The following PPP2R2C variants were observed in gnomAD, a reference collection of about 807,000 sequenced individuals.
The protein encoded by PPP2R2C is protein phosphatase 2 regulatory subunit Bgamma, also known as protein phosphatase 2, regulatory subunit B, gamma.
A neutral mutation model predicts 45.3 loss-of-function variants in PPP2R2C; 10 were observed. That is an observed-to-expected ratio of 0.22 (90% confidence interval 0.14 to 0.37). The LOEUF (loss-of-function observed/expected upper bound fraction) is 0.37. Ranked by LOEUF, PPP2R2C falls within the 10% of genes least tolerant of loss-of-function variation. PPP2R2C has a pLI of 1.00. For missense variants in PPP2R2C, 308 were observed against 619.7 expected (o/e 0.50, Z 5.34); for synonymous variants, 257 against 245.4 (o/e 1.05, Z -0.44).
rs1732235487 is a variant in PPP2R2C, at chr4:6,329,543, C to A, written c.961-190G>T. ...AGCCCTGCTCATCTCATCGGGAGGC[C>A]CATGACCAGGCACACGGCTGACCCC... On this transcript the variant is annotated intron_variant, in intron 7 of 8. Transcript: ENST00000382599. This position sits in a 1 kb window ranked among gnomAD's most constrained non-coding sequence, Gnocchi z 5.8. Among the ~76,000 whole-genome samples, 1 of 152,078 alleles carries A rather than the reference C, an allele frequency of 6.6e-6. No individual in the cohort carries two copies. The highest frequency in any genetic ancestry group is 1.5e-5 in the Non-Finnish European group (1 of 68,030).
rs144713938 is a variant in PPP2R2C, at chr4:6,350,295, C to T, written c.626-2285G>A. 21 of 985,472 alleles carry T rather than the reference C, an allele frequency of 2.1e-5. No individual in the cohort carries two copies. The East Asian group carries it at 4.5e-4, about 21-fold the overall frequency. 61.0% of individuals were successfully genotyped at this position (985,472 alleles called of 1,614,324 possible). A position where few individuals can be genotyped will look rare whatever the true frequency, so the allele number is the denominator to read the frequency against. On this transcript the variant is annotated intron_variant, in intron 5 of 8. Transcript: ENST00000382599. Reference sequence around the variant, plus strand: ...CCATGGCTTTCCAGGACACGCTGCCCGCTCGGAGCAGCTCTCAGGTCCTTA... The same window carrying T: ...CCATGGCTTTCCAGGACACGCTGCCTGCTCGGAGCAGCTCTCAGGTCCTTA...
chr4:6,536,632 G>A (rs540381871), intron 1 of PPP2R2C, among the ~76,000 whole-genome samples: 1 of 152,324 alleles, frequency 6.6e-6, no homozygotes, highest in Non-Finnish European at 1.5e-5. Flanking sequence ...TCCTGTGCAG[G>A]GTGGGTGCAG....
At chr4:6,357,404 T>C (rs747162369) in intron 5 of PPP2R2C, among the ~76,000 whole-genome samples, 8 of 152,192 alleles carry the variant, frequency 5.3e-5, no homozygotes, top group Non-Finnish European at 1.0e-4. Context: ...AGAGAGTCAA[T>C]ATTTCAGGCC....
rs988304635 is a variant in PPP2R2C, at chr4:6,328,956, G to A, written c.1052+306C>T. The stretch of plus-strand genomic sequence containing the variant: ...TATAGCCCTCGCCCCCGACAAGCTG[G>A]GAGAGGGGAGCACATCACCGGGGAC... On this transcript the variant is annotated intron_variant, in intron 8 of 8. Transcript: ENST00000382599. The surrounding 1 kb of genome is among the most constrained non-coding windows in gnomAD (Gnocchi z 4.4). Among the ~76,000 whole-genome samples the A allele has an allele frequency of 7.9e-5, 12 of 152,202 alleles. No homozygotes were observed. The highest frequency in any genetic ancestry group is 7.2e-4 in the Admixed American group (11 of 15,286).
intron 8 of PPP2R2C, among the ~76,000 whole-genome samples, chr4:6,326,803 G>A (rs1028491075): frequency 6.6e-6 from 1 of 152,200 alleles, no homozygotes; most frequent in Non-Finnish European, 1.5e-5. Context: ...GCGTTCTGCC[G>A]GTGCTAGGAA....
At chr4:6,381,974 G>A in intron 1 of PPP2R2C, 5 of 1,444,428 alleles carry the variant, frequency 3.5e-6, no homozygotes, top group Non-Finnish European at 4.5e-6. Context: ...GGGAGTGGGG[G>A]AGAGCAGGGG....
chr4:6,439,754 T>C (rs1427210427), intron 1 of PPP2R2C, among the ~76,000 whole-genome samples: 1 of 152,174 alleles, frequency 6.6e-6, no homozygotes, highest in African/African-American at 2.4e-5. Context: ...TGAATGGCTG[T>C]ATTTTCAGCA....
intron 1 of PPP2R2C, among the ~76,000 whole-genome samples, chr4:6,552,414 C>T (rs972994771): frequency 6.6e-6 from 1 of 152,124 alleles, no homozygotes; most frequent in Non-Finnish European, 1.5e-5. Context: ...TGGAGGTGTC[C>T]GCATTCCTTG....
At chr4:6,523,803 T>G (rs10001583) in intron 2 of PPP2R2C, among the ~76,000 whole-genome samples, 9,151 of 152,166 alleles carry the variant, frequency 0.06, 940 homozygotes, top group African/African-American at 0.21. Flanking sequence ...GGCCAAACAA[T>G]GGAAACACCC....
intron 1 of PPP2R2C, among the ~76,000 whole-genome samples, chr4:6,407,034 A>G (rs999189572): frequency 3.3e-5 from 5 of 152,222 alleles, no homozygotes; most frequent in African/African-American, 1.2e-4. Context: ...GTGGCCATAA[A>G]GCCAAGAGAT....
intron 1 of PPP2R2C, among the ~76,000 whole-genome samples, chr4:6,456,595 G>C (rs1044676385): frequency 5.3e-5 from 8 of 152,072 alleles, no homozygotes; most frequent in Non-Finnish European, 1.0e-4. Flanking sequence ...TCGCTCCTTC[G>C]GTCAGTTCAT....
At chr4:6,543,959 C>G (rs557743805) in intron 1 of PPP2R2C, among the ~76,000 whole-genome samples, 1 of 152,358 alleles carries the variant, frequency 6.6e-6, no homozygotes, top group African/African-American at 2.4e-5. Context: ...GTCAACACAG[C>G]AGCCTTCACT....
At chr4:6,372,801 G>A (rs1322501073) in intron 4 of PPP2R2C, 101 bp from the exon 5 acceptor site, 2 of 1,240,502 alleles carry the variant, frequency 1.6e-6, no homozygotes, top group Non-Finnish European at 2.3e-6. Flanking sequence ...CTGGAACACA[G>A]GGGTGGGCGT....
chr4:6,464,541 C>T (rs947252883), intron 1 of PPP2R2C, among the ~76,000 whole-genome samples: 11 of 152,138 alleles, frequency 7.2e-5, no homozygotes, highest in African/African-American at 2.7e-4. Flanking sequence ...AGCCAATACC[C>T]GCTGAACAAA....
chr4:6,381,579 G>A, intron 1 of PPP2R2C: 1 of 1,434,008 alleles, frequency 7.0e-7, no homozygotes, highest in Non-Finnish European at 9.1e-7. Flanking sequence ...CACACAGTAG[G>A]ACAGAGGTGA....
chr4:6,548,316 C>T (rs1322538022), intron 1 of PPP2R2C, among the ~76,000 whole-genome samples: 2 of 152,176 alleles, frequency 1.3e-5, no homozygotes, highest in Non-Finnish European at 2.9e-5. Context: ...CTCCCGGTCC[C>T]CCACTGGTGG....
chr4:6,354,766 T>G (rs552647653), intron 5 of PPP2R2C, among the ~76,000 whole-genome samples: 2 of 150,364 alleles, frequency 1.3e-5, no homozygotes, highest in African/African-American at 4.9e-5. Flanking sequence ...GCAGCAGAGC[T>G]GATACCTGAG....
At chr4:6,544,235 C>T (rs564523983) in intron 1 of PPP2R2C, among the ~76,000 whole-genome samples, 8 of 152,340 alleles carry the variant, frequency 5.3e-5, no homozygotes, top group Admixed American at 2.6e-4. Context: ...TTGCCTTTTA[C>T]GGTGAAAATG....
chr4:6,382,841 C>T (rs1715948386), intron 1 of PPP2R2C: 2 of 1,105,940 alleles, frequency 1.8e-6, no homozygotes, highest in Non-Finnish European at 2.3e-6. Flanking sequence ...AACAGACTGG[C>T]AGCAGAGAGG....
Sources: gnomAD v4.1 joint callset for allele counts (sites outside exome capture counted in the v4.1 genomes callset) on GRCh38, gnomAD v4.1.1 for gene constraint, Gnocchi (gnomAD v3.1) non-coding constraint, MANE v1.5 for transcripts, NCBI Gene and HGNC (gene_info 2026-07-23, HGNC 2026-07-21) for gene names.